CSMD3: variants seen among roughly 807,000 people sequenced by gnomAD.
CSMD3 encodes CUB and Sushi multiple domains 3, also known as CUB and sushi domain-containing protein 3.
CSMD3 carries 177 observed loss-of-function variants against 435.2 expected under a neutral mutation model. The observed-to-expected ratio is 0.41, with a 90% CI of 0.36 to 0.46. The LOEUF is 0.46. CSMD3 is among the 20% of genes least tolerant of loss of function. The pLI, the probability that CSMD3 is intolerant of heterozygous loss-of-function variation, is 0.34. For synonymous variants in CSMD3, 1,656 were observed against 1,520.5 expected, an observed-to-expected ratio of 1.09 and a Z score of -2.07; for missense variants, 4,265 against 4,504.6, an observed-to-expected ratio of 0.95 and a Z score of 1.52.
In CSMD3 at chr8:112,390,719, T is replaced by C. The variant is rs1331976991; in HGVS notation, c.5879A>G (p.Asp1960Gly). The C allele has an allele frequency of 1.9e-6, 3 of 1,612,830 alleles. No homozygotes were observed. Among genetic ancestry groups the C allele is most frequent in the Non-Finnish European group, 2.5e-6 (3 of 1,178,826 alleles). Residue 1960 changes from aspartate (D) to glycine (G), a missense_variant, in exon 36 of 71, where the codon GAC (aspartate) becomes GGC (glycine). Coordinates refer to ENST00000297405, the MANE Select transcript of CSMD3 (RefSeq NM_198123.2). ...ILSPGYPEPY[D>G]NNLNCVWKIT... is the part of the protein sequence containing the mutation. Reference sequence around the variant, plus strand: ...CTTCCACACACAATTCAGATTGTTGTCATAAGGCTCAGGGTATCCAGGTGA... The same window carrying C: ...CTTCCACACACAATTCAGATTGTTGCCATAAGGCTCAGGGTATCCAGGTGA...
chr8:112,608,603 T>A, intron 22 of CSMD3, among the ~76,000 whole-genome samples: 1 of 150,998 alleles, frequency 6.6e-6, no homozygotes, highest in South Asian at 2.1e-4. Context: ...TATATATACA[T>A]ACACACACAC....
chr8:113,280,519 T>A (rs566347519), intron 2 of CSMD3, among the ~76,000 whole-genome samples: 1 of 152,132 alleles, frequency 6.6e-6, no homozygotes, highest in East Asian at 1.9e-4. Flanking sequence ...ATCTCCTGTT[T>A]CATTTCTTAG....
intron 2 of CSMD3, among the ~76,000 whole-genome samples, chr8:113,297,030 T>C (rs2093727848): frequency 6.6e-6 from 1 of 152,178 alleles, no homozygotes; most frequent in African/African-American, 2.4e-5. Context: ...TTTATGTTTG[T>C]CCTTTCTTGT....
chr8:112,897,692 CTCTGTGTG>C (rs749293089), intron 10 of CSMD3, among the ~76,000 whole-genome samples: 1,094 of 56,912 alleles, frequency 0.019, 3 homozygotes, highest in East Asian at 0.11. Context: ...CTCTCTCTCT[CTCTGTGTG>C]TGTGTGTGTG....
chr8:112,323,971 C>G (rs1823253167), intron 45 of CSMD3, among the ~76,000 whole-genome samples: 1 of 152,008 alleles, frequency 6.6e-6, no homozygotes, highest in Non-Finnish European at 1.5e-5. Context: ...AGAATTTGAA[C>G]CAAGTTCCAA....
At position 113,010,525 on chromosome 8, in the gene CSMD3, T is replaced by G. The variant is rs566777225; in HGVS notation, c.1030+8542A>C. Among the ~76,000 whole-genome samples the G allele has an allele frequency of 2.6e-5, 4 of 151,952 alleles. No individual in the cohort carries two copies. The East Asian group carries it at 7.7e-4, about 29-fold the overall frequency. On this transcript the variant is annotated intron_variant, in intron 6 of 70. Coordinates refer to ENST00000297405, the MANE Select transcript of CSMD3 (RefSeq NM_198123.2). Reference sequence around the variant, plus strand: ...AACCTAGTTTAAATTTTAGAAAATATTGTCCATATTATAACTAGTTATTGA... The same window carrying G: ...AACCTAGTTTAAATTTTAGAAAATAGTGTCCATATTATAACTAGTTATTGA...
chr8:113,368,266 T>TGCGATGTCAACCTCAGGA (rs1462169903), intron 1 of CSMD3, among the ~76,000 whole-genome samples: 1 of 152,092 alleles, frequency 6.6e-6, no homozygotes, highest in African/African-American at 2.4e-5. Flanking sequence ...TTGACTCCCA[T>TGCGATGTCAACCTCAGGA]GCGATGTCAA....
intron 13 of CSMD3, among the ~76,000 whole-genome samples, chr8:112,731,501 G>A: frequency 6.6e-6 from 1 of 151,982 alleles, no homozygotes. Flanking sequence ...TTATGAACAT[G>A]GATTTTAGAT....
At chr8:112,770,100 T>G (rs183468223) in intron 13 of CSMD3, among the ~76,000 whole-genome samples, 1 of 152,178 alleles carries the variant, frequency 6.6e-6, no homozygotes, top group Middle Eastern at 3.4e-3. Flanking sequence ...GTCTGTCTTA[T>G]TAATCTTCTT....
At chr8:113,072,118 T>G (rs2089147841) in intron 5 of CSMD3, among the ~76,000 whole-genome samples, 1 of 151,824 alleles carries the variant, frequency 6.6e-6, no homozygotes, top group Admixed American at 6.6e-5. Flanking sequence ...GTTGTTTCAA[T>G]ATAAAAATGT....
chr8:112,558,302 C>A lies in CSMD3; in HGVS notation c.4043-1348G>T, dbSNP rs142066997. 8.3e-4 allele frequency among the ~76,000 whole-genome samples: 126 copies of A among 151,982 alleles called. 5 individuals are homozygous for A. The East Asian group carries it at 0.023, about 28-fold the overall frequency. On this transcript the variant is annotated intron_variant, in intron 24 of 70. Coordinates refer to ENST00000297405, the MANE Select transcript of CSMD3 (RefSeq NM_198123.2). ...CATTTTCTTCCTTCTCCCTTGAAAA[C>A]CCTCATTCCATAGGGGTCCTGCCCC... is the stretch of plus-strand genomic sequence containing the variant.
intron 1 of CSMD3, among the ~76,000 whole-genome samples, chr8:113,388,312 A>T (rs1563772333): frequency 6.6e-6 from 1 of 151,574 alleles, no homozygotes; most frequent in African/African-American, 2.4e-5. Context: ...GATATAGGAT[A>T]TTAATTAATT....
chr8:113,320,844 G>C (rs2093944633), intron 1 of CSMD3, among the ~76,000 whole-genome samples: 1 of 152,008 alleles, frequency 6.6e-6, no homozygotes, highest in East Asian at 1.9e-4. Flanking sequence ...AAGCAATACT[G>C]GTGACCATAA....
rs997394314 is a variant in CSMD3, at chr8:112,425,903, A to AT, written c.5396-16872dup. The stretch of plus-strand genomic sequence containing the variant: ...AGTCATACATTCGTTACATAAGTGT[A>AT]TTTTTTTAATGGGAAGAAACACACA... On this transcript the variant is annotated intron_variant, in intron 32 of 70. Transcript: ENST00000297405. Among the ~76,000 whole-genome samples the AT allele has an allele frequency of 2.2e-4, 34 of 152,122 alleles. 1 individual carries two copies. Among genetic ancestry groups the AT allele is most frequent in the South Asian group, 4.1e-4 (2 of 4,832 alleles).
intron 11 of CSMD3, among the ~76,000 whole-genome samples, chr8:112,842,003 T>C (rs2080190916): frequency 6.6e-6 from 1 of 151,812 alleles, no homozygotes; most frequent in Admixed American, 6.6e-5. Flanking sequence ...CAAATGACTC[T>C]CCTTCACATT....
intron 5 of CSMD3, among the ~76,000 whole-genome samples, chr8:113,020,320 A>G (rs535574783): frequency 2.0e-5 from 3 of 152,126 alleles, no homozygotes; most frequent in African/African-American, 7.2e-5. Flanking sequence ...TACCATTTAT[A>G]ATATACTCAA....
At chr8:112,763,520 A>G (rs547420297) in intron 13 of CSMD3, among the ~76,000 whole-genome samples, 257 of 149,652 alleles carry the variant, frequency 1.7e-3, no homozygotes, top group Non-Finnish European at 2.6e-3. Context: ...TTGAACATTG[A>G]ATAATATTTG....
chr8:112,845,083 G>A (rs2080282025), intron 11 of CSMD3, among the ~76,000 whole-genome samples: 1 of 151,936 alleles, frequency 6.6e-6, no homozygotes, highest in South Asian at 2.1e-4. Flanking sequence ...TGCCTACTTT[G>A]TTGGTAAGAA....
chr8:112,448,810 T>C (rs1245861847), intron 32 of CSMD3, among the ~76,000 whole-genome samples: 4 of 149,656 alleles, frequency 2.7e-5, no homozygotes, highest in Non-Finnish European at 5.9e-5. Flanking sequence ...CTAGGATTAA[T>C]TGGTTTCTTA....
Sources: gnomAD v4.1 joint callset for allele counts (sites outside exome capture counted in the v4.1 genomes callset) on GRCh38, gnomAD v4.1.1 for gene constraint, MANE v1.5 for transcripts, NCBI Gene and HGNC (gene_info 2026-07-23, HGNC 2026-07-21) for gene names.